SGSH: variants seen among roughly 807,000 people sequenced by gnomAD.
The protein encoded by SGSH is N-sulfoglucosamine sulfohydrolase.
In SGSH, 48 loss-of-function variants were observed where a neutral mutation model predicts 51.0. That is an observed-to-expected ratio of 0.94 (90% CI 0.75 to 1.20). SGSH has a LOEUF of 1.20. SGSH is among the 50% of genes most tolerant of loss of function. The pLI is 0.00. For missense variants in SGSH, 662 were observed against 717.8 expected, an observed-to-expected ratio of 0.92 and a Z score of 0.89; for synonymous variants, 321 against 313.4, an observed-to-expected ratio of 1.02 and a Z score of -0.26.
In SGSH at chr17:80,217,175, C is replaced by G; in HGVS notation, c.106G>C (p.Glu36Gln). ...GCGCTGTTGTTGTACGCGCCACTCT[C>G]AAAGCCTCCGTCATCCGCTGCGTGA... ...LLLLADDGGF[E>Q]SGAYNNSAIA... Residue 36 changes from glutamate to glutamine, a missense_variant, in exon 2 of 8, where the codon GAG (glutamate) becomes CAG (glutamine). Physicochemically the swap from Glu to Gln is conservative, Grantham distance 29. Transcript: ENST00000326317. 6.2e-7 allele frequency: 1 copy of G among 1,601,220 alleles called. No individual in the cohort carries two copies. Among genetic ancestry groups the G allele is most frequent in the Non-Finnish European group, 8.5e-7 (1 of 1,177,220 alleles).
chr17:80,216,527 C>T (rs1001860912), intron 2 of SGSH, among the ~76,000 whole-genome samples: 37 of 152,102 alleles, frequency 2.4e-4, no homozygotes, highest in African/African-American at 8.9e-4. Context: ...ACTTAATGCC[C>T]CGGAACTGTG....
At position 80,220,085 on chromosome 17, in the gene SGSH, A is replaced by G. The variant is rs574540184; in HGVS notation, c.88+141T>C. 2.6e-3 allele frequency: 1,516 copies of G among 589,874 alleles called. 4 individuals carry two copies. Among genetic ancestry groups the G allele is most frequent in the Non-Finnish European group, 3.4e-3 (1,197 of 347,640 alleles). The allele number at this position is 589,874 out of a possible 1,614,324, so 36.5% of individuals were successfully genotyped here. On this transcript the variant is annotated intron_variant, in intron 1 of 7. Coordinates refer to ENST00000326317, the MANE Select transcript of SGSH (RefSeq NM_000199.5). ...TGAAGAGTCTGGGGGCGGCACAGAG[A>G]GGAGGACGAGAGGGAATGGCAGCGG...
downstream of SGSH, chr17:80,202,535 C>G (rs889510103): frequency 6.7e-7 from 1 of 1,483,088 alleles, no homozygotes; most frequent in African/African-American, 1.4e-5. Flanking sequence ...GTGGTGAGAC[C>G]CCCCTAAGGA....
At chr17:80,215,011 G>T in intron 3 of SGSH, 22 bp downstream of exon 3, 1 of 1,595,558 alleles carries the variant, frequency 6.3e-7, no homozygotes, top group Non-Finnish European at 8.5e-7. Context: ...CCCACGCCCT[G>T]TCCTCGGCAC....
chr17:80,202,416 T>A, downstream of SGSH: 1 of 1,609,106 alleles, frequency 6.2e-7, no homozygotes, highest in South Asian at 1.1e-5. Context: ...CCCCAACTAC[T>A]CCAGGTGAGC....
intron 3 of SGSH, 103 bp from the exon 4 acceptor site, chr17:80,214,868 GAC>G (rs2041829010): frequency 7.1e-7 from 1 of 1,417,914 alleles, no homozygotes; most frequent in African/African-American, 1.4e-5. Context: ...GGTTCTCGTG[GAC>G]ACACAGCCCA....
Position 80,220,240 on chromosome 17 carries a change from G to C in SGSH, c.74C>G (p.Ala25Gly). The stretch of plus-strand genomic sequence containing the variant: ...CCGGCACTCACCGAGGAGCAGCAGT[G>C]CGTTCCGGGGACGCGCCCGGCAGAG... ...LGLCRARPRN[A>G]LLLLADDGGF... Residue 25 changes from alanine (A) to glycine (G), a missense_variant, in exon 1 of 8, where the codon GCA (alanine) becomes GGA (glycine). By Grantham distance (60) the Ala-to-Gly change is moderately conservative. Coordinates refer to ENST00000326317, the MANE Select transcript of SGSH (RefSeq NM_000199.5). 1 of 1,523,254 alleles carries C rather than the reference G, an allele frequency of 6.6e-7. No homozygotes were observed. The highest frequency in any genetic ancestry group is 8.8e-7 in the Non-Finnish European group (1 of 1,141,900). The allele number at this position is 1,523,254 out of a possible 1,614,324, so 94.4% of individuals were successfully genotyped here.
downstream of SGSH, chr17:80,209,143 G>T (rs551514470): frequency 4.6e-6 from 1 of 217,272 alleles, no homozygotes; most frequent in Non-Finnish European, 7.8e-6. Context: ...TTCAGGGCTC[G>T]GGGAGGACCC....
chr17:80,201,731 G>T (rs1287168480), downstream of SGSH: 13 of 1,613,832 alleles, frequency 8.1e-6, no homozygotes, highest in Non-Finnish European at 1.0e-5. The surrounding 1 kb of genome is among the most constrained non-coding windows in gnomAD (Gnocchi z 5.0). Context: ...TGACCTTCTC[G>T]ACTTGCCCTC....
At chr17:80,218,365 A>G (rs565181428) in intron 1 of SGSH, among the ~76,000 whole-genome samples, 25 of 152,342 alleles carry the variant, frequency 1.6e-4, no homozygotes, top group Admixed American at 1.6e-3. Flanking sequence ...AGGGCCACAC[A>G]CTGGGCAGCA....
chr17:80,204,091 C>G (rs972319317), downstream of SGSH: 4 of 912,318 alleles, frequency 4.4e-6, no homozygotes, highest in Non-Finnish European at 6.6e-6. Flanking sequence ...TGCAGACACA[C>G]CTCAGGCTGT....
chr17:80,201,619 G>A, the SGSH span: 281 of 952,510 alleles, frequency 3.0e-4, 5 homozygotes, highest in African/African-American at 4.2e-4. This position sits in a 1 kb window ranked among gnomAD's most constrained non-coding sequence, Gnocchi z 5.0. Context: ...TGACCAAGGC[G>A]TGCAGGCAGT....
downstream of SGSH, chr17:80,205,784 C>A: frequency 3.1e-6 from 3 of 959,218 alleles, no homozygotes; most frequent in Non-Finnish European, 4.4e-6. Context: ...CTCTGGGTCC[C>A]AACAGCCCAG....
downstream of SGSH, chr17:80,205,577 C>G (rs772829777): frequency 1.9e-6 from 3 of 1,575,836 alleles, no homozygotes; most frequent in Non-Finnish European, 2.6e-6. Context: ...AGAGAGGGGA[C>G]ATCATCCAGG....
At chr17:80,220,120 G>A (rs1350025895) in intron 1 of SGSH, 106 bp downstream of exon 1, 2 of 745,906 alleles carry the variant, frequency 2.7e-6, no homozygotes, top group South Asian at 1.9e-5. Flanking sequence ...GGGGATACAA[G>A]GGCAGGGCAC....
At position 80,212,093 on chromosome 17, in the gene SGSH, G is replaced by A. The variant is rs1385473515; in HGVS notation, c.927C>T (p.Ser309=). 8.7e-6 allele frequency: 14 copies of A among 1,613,522 alleles called. No homozygotes were observed. The highest frequency in any genetic ancestry group is 1.1e-5 in the Non-Finnish European group (13 of 1,179,992). Residue 309 remains serine (S), a synonymous_variant, in exon 7 of 8, where the codon AGC becomes AGT. Coordinates refer to ENST00000326317, the MANE Select transcript of SGSH (RefSeq NM_000199.5). The surrounding 1 kb of genome is among the most constrained non-coding windows in gnomAD (Gnocchi z 5.9). ...PEHPKRWGQV[S]EAYVSLLDLT... ...TACCTAGGAGGCTCACGTAGGCCTC[G>A]CTGACTTGGCCCCAGCGTTTTGGGT...
chr17:80,208,377 C>T, downstream of SGSH: 1 of 1,526,624 alleles, frequency 6.6e-7, no homozygotes, highest in Non-Finnish European at 8.9e-7. Flanking sequence ...ACTGTGGGGG[C>T]TTCTGTGTGC....
intron 3 of SGSH, 86 bp downstream of exon 3, chr17:80,214,947 C>G: frequency 7.4e-7 from 1 of 1,343,892 alleles, no homozygotes; most frequent in Non-Finnish European, 1.0e-6. Context: ...GCTGAGCGTG[C>G]CTTGGTACAA....
downstream of SGSH, chr17:80,207,178 G>A: frequency 4.7e-6 from 4 of 849,968 alleles, no homozygotes; most frequent in Non-Finnish European, 7.4e-6. Context: ...GTGCTCTGCG[G>A]TTTGCAGGAA....
Sources: gnomAD v4.1 joint callset for allele counts (sites outside exome capture counted in the v4.1 genomes callset) on GRCh38, gnomAD v4.1.1 for gene constraint, Gnocchi (gnomAD v3.1) non-coding constraint, MANE v1.5 for transcripts, NCBI Gene and HGNC (gene_info 2026-07-23, HGNC 2026-07-21) for gene names.